The following TRAK1 variants were observed in gnomAD, a reference collection of about 807,000 sequenced individuals.
TRAK1 encodes the protein trafficking kinesin-binding protein 1.
A neutral mutation model predicts 92.1 loss-of-function variants in TRAK1; 33 were observed. The observed-to-expected ratio is 0.36, with a 90% CI of 0.27 to 0.48. The LOEUF is 0.48. Among genes scored for constraint, TRAK1 ranks in the 20% least tolerant of loss-of-function variants. TRAK1 has a pLI of 0.99. For missense variants in TRAK1, 1,123 were observed against 1,257.9 expected, an observed-to-expected ratio of 0.89 and a Z score of 1.62; for synonymous variants, 521 against 517.3, an observed-to-expected ratio of 1.01 and a Z score of -0.10.
chr3:42,189,042 C>T lies in TRAK1; in HGVS notation c.608C>T (p.Ser203Leu). The T allele has an allele frequency of 1.9e-6, 3 of 1,614,080 alleles. No homozygotes were observed. The highest frequency in any genetic ancestry group is 1.3e-5 in the African/African-American group (1 of 75,058). ...TPLKRNESSS[S>L]VQNYFHLDSL... is the part of the protein sequence containing the mutation. ...TTGAAGAGGAATGAGTCGTCCTCCT[C>T]AGTCCAGAATTACTTTCATTTGGAT... Residue 203 changes from serine (S) to leucine (L), a missense_variant, in exon 6 of 16, where the codon TCA (serine) becomes TTA (leucine). By Grantham distance (145) the Ser-to-Leu change is moderately radical. Around this residue, in one of 3 missense-constraint regions of TRAK1, gnomAD observed 686 missense variants for 747.6 expected, o/e 0.92. Transcript: ENST00000327628.
chr3:42,089,674 G>GAC (rs1553711824), upstream of TRAK1, among the ~76,000 whole-genome samples: 1 of 85,946 alleles, frequency 1.2e-5, no homozygotes, highest in Non-Finnish European at 2.5e-5. Context: ...TGCTTTTTGT[G>GAC]ACCCCCCCCC....
At chr3:42,129,897 T>C (rs13071805) in intron 2 of TRAK1, among the ~76,000 whole-genome samples, 78,236 of 151,848 alleles carry the variant, frequency 0.52, 20,448 homozygotes, top group African/African-American at 0.58. Context: ...AAGAATGAAA[T>C]TCATCTGGTG....
rs74730272 is a variant in TRAK1 at position 42,191,453 on chromosome 3, G to T, written c.691-105G>T. The T allele has an allele frequency of 0.01, 9,375 of 923,110 alleles. 645 individuals carry two copies. The African/African-American group carries it at 0.14, about 14-fold the overall frequency. The allele number at this position is 923,110 out of a possible 1,614,324, so 57.2% of individuals were successfully genotyped here. A position where few individuals can be genotyped will look rare whatever the true frequency, so the allele number is the denominator to read the frequency against. On this transcript the variant is annotated intron_variant, in intron 6 of 15. Transcript: ENST00000327628. Reference sequence around the variant, plus strand: ...GGTGACAGGTGGGGGAATGCTAAGGGCAGCTTCCCAGACCCCAGTTAGCCT... The same window carrying T: ...GGTGACAGGTGGGGGAATGCTAAGGTCAGCTTCCCAGACCCCAGTTAGCCT...
chr3:42,075,072 T>C (rs1466048105), intron 1 of TRAK1, among the ~76,000 whole-genome samples: 2 of 152,232 alleles, frequency 1.3e-5, no homozygotes, highest in Non-Finnish European at 2.9e-5. Flanking sequence ...TTCTGTGGTA[T>C]ATGTCCACAT....
At chr3:42,047,685 T>C (rs1352048150) in intron 1 of TRAK1, among the ~76,000 whole-genome samples, 1 of 152,154 alleles carries the variant, frequency 6.6e-6, no homozygotes, top group African/African-American at 2.4e-5. Flanking sequence ...AAATAATGAC[T>C]ATTTTTGTGT....
Position 42,202,254 on chromosome 3 carries a change from C to T in TRAK1, c.1428-182C>T, listed in dbSNP as rs568980760. On this transcript the variant is annotated intron_variant, in intron 12 of 15. Transcript: ENST00000327628. The surrounding 1 kb of genome is among the most constrained non-coding windows in gnomAD (Gnocchi z 6.1). ...CAACCCCACTAAAAAAGACCCCTGG[C>T]GGGAGTGGTTCTGGACACGAATTTA... is the stretch of plus-strand genomic sequence containing the variant. 8.5e-5 allele frequency among the ~76,000 whole-genome samples: 13 copies of T among 152,110 alleles called. No homozygotes were observed. The highest frequency in any genetic ancestry group is 1.5e-4 in the Non-Finnish European group (10 of 68,038).
intron 14 of TRAK1, chr3:42,217,330 C>T (rs1709832380): frequency 1.0e-6 from 1 of 985,326 alleles, no homozygotes; most frequent in Non-Finnish European, 1.2e-6. Context: ...TTTGGAAGGG[C>T]CAAATCTCTG....
chr3:42,097,013 T>G (rs1706032277), intron 1 of TRAK1, among the ~76,000 whole-genome samples: 1 of 152,224 alleles, frequency 6.6e-6, no homozygotes, highest in Non-Finnish European at 1.5e-5. Context: ...CCAAAAATGT[T>G]CTGTGCATGC....
chr3:42,223,441 G>A lies in TRAK1; in HGVS notation c.2566G>A (p.Val856Met). The A allele has an allele frequency of 6.2e-7, 1 of 1,614,090 alleles. No homozygotes were observed. The highest frequency in any genetic ancestry group is 8.5e-7 in the Non-Finnish European group (1 of 1,180,026). Residue 856 changes from valine to methionine, a missense_variant, in exon 16 of 16, where the codon GTG (valine) becomes ATG (methionine). Val to Met is a conservative substitution (Grantham distance 21, BLOSUM62 1). Transcript: ENST00000327628. This position sits in a 1 kb window ranked among gnomAD's most constrained non-coding sequence, Gnocchi z 6.1. Reference protein sequence around the residue: ...KVRRFGVAKVVNSGRAHVPTL... With the variant: ...KVRRFGVAKVMNSGRAHVPTL... ...CAGGAGGTTTGGGGTGGCCAAAGTG[G>A]TGAACTCAGGGCGAGCCCATGTCCC...
At chr3:42,193,965 C>A in intron 9 of TRAK1, 67 bp downstream of exon 9, 3 of 1,397,064 alleles carry the variant, frequency 2.1e-6, no homozygotes, top group Non-Finnish European at 3.0e-6. Context: ...CCTTCCCGGA[C>A]AGCTTTAGTC....
Position 42,219,786 on chromosome 3 carries a change from G to GTTTTTT in TRAK1, c.2066+212_2066+217dup, listed in dbSNP as rs397989334. Among the ~76,000 whole-genome samples, 5 of 63,528 alleles carry GTTTTTT rather than the reference G, an allele frequency of 7.9e-5. 1 individual carries two copies. Among genetic ancestry groups the GTTTTTT allele is most frequent in the African/African-American group, 2.2e-4 (5 of 23,066 alleles). 41.7% of individuals were successfully genotyped at this position (63,528 alleles called of 152,430 possible). A position where few individuals can be genotyped will look rare whatever the true frequency, so the allele number is the denominator to read the frequency against. On this transcript the variant is annotated intron_variant, in intron 15 of 15. Transcript: ENST00000327628. ...ATCCTTCCTTTTGTTGTTGTTATGT[G>GTTTTTT]TTTTTTTTTTTTTTTTTTTTTTTTT...
chr3:42,033,902 G>A (rs1702236146), intron 1 of TRAK1, among the ~76,000 whole-genome samples: 2 of 152,006 alleles, frequency 1.3e-5, no homozygotes, highest in Admixed American at 6.6e-5. Context: ...CTGACATACC[G>A]CTGCATCATT....
chr3:42,200,172 T>C (rs1707327853), intron 11 of TRAK1, among the ~76,000 whole-genome samples: 1 of 152,100 alleles, frequency 6.6e-6, no homozygotes, highest in Non-Finnish European at 1.5e-5. Flanking sequence ...CCAAGTGAGG[T>C]TTGGTATATG....
At chr3:42,141,451 A>G (rs1698639776) in intron 2 of TRAK1, among the ~76,000 whole-genome samples, 1 of 152,200 alleles carries the variant, frequency 6.6e-6, no homozygotes, top group Non-Finnish European at 1.5e-5. Flanking sequence ...TAATCTTAAT[A>G]GATATTAAAG....
chr3:42,035,705 G>C (rs1488559389), intron 1 of TRAK1, among the ~76,000 whole-genome samples: 3 of 152,078 alleles, frequency 2.0e-5, no homozygotes, highest in Non-Finnish European at 4.4e-5. Flanking sequence ...AGTGCAGATC[G>C]AATCCCATCA....
intron 1 of TRAK1, among the ~76,000 whole-genome samples, chr3:42,097,024 G>A (rs568683989): frequency 3.3e-5 from 5 of 152,166 alleles, no homozygotes; most frequent in African/African-American, 7.2e-5. Context: ...CTGTGCATGC[G>A]TTTGTATGGT....
At chr3:42,063,716 C>T (rs1361390752) in intron 1 of TRAK1, among the ~76,000 whole-genome samples, 3 of 151,296 alleles carry the variant, frequency 2.0e-5, no homozygotes, top group African/African-American at 2.4e-5. Flanking sequence ...GTGGGAGCCA[C>T]ACAGTGAAAA....
At chr3:42,049,300 G>T (rs967538070) in intron 1 of TRAK1, among the ~76,000 whole-genome samples, 2 of 149,714 alleles carry the variant, frequency 1.3e-5, no homozygotes, top group African/African-American at 5.1e-5. Flanking sequence ...TTGCCATCTT[G>T]GTTCCTCTTC....
At chr3:42,079,218 C>T (rs570415680) in intron 1 of TRAK1, among the ~76,000 whole-genome samples, 58 of 152,326 alleles carry the variant, frequency 3.8e-4, no homozygotes, top group African/African-American at 1.2e-3. Flanking sequence ...GACATAATCC[C>T]GGAGAACAAT....
Sources: allele counts gnomAD v4.1 joint callset (sites outside exome capture counted in the v4.1 genomes callset), GRCh38; gene constraint gnomAD v4.1.1; regional missense constraint gnomAD v4.1.1; non-coding constraint Gnocchi (gnomAD v3.1); transcripts MANE v1.5; gene names NCBI Gene and HGNC (gene_info 2026-07-23, HGNC 2026-07-21).